GARIN1B: variants seen among roughly 807,000 people sequenced by gnomAD.
The protein encoded by GARIN1B is Golgi-associated RAB2 interactor protein 1B.
chr7:128,729,624 C>T, the GARIN1B span, among the ~76,000 whole-genome samples: 11 of 152,206 alleles, frequency 7.2e-5, no homozygotes, highest in Non-Finnish European at 1.6e-4. Context: ...TCTCCTTTTA[C>T]TGGTGCTGTC....
the GARIN1B span, chr7:128,719,161 C>A: frequency 9.3e-6 from 14 of 1,500,454 alleles, no homozygotes; most frequent in East Asian, 3.2e-4. Context: ...TATGTGAGTG[C>A]CCTATGAAGG....
At chr7:128,727,820 G>T in the GARIN1B span, among the ~76,000 whole-genome samples, 2 of 151,232 alleles carry the variant, frequency 1.3e-5, no homozygotes, top group South Asian at 4.2e-4. Context: ...ACACCTTCCT[G>T]CCAGGCTAAT....
chr7:128,715,478 A>C, the GARIN1B span: 2 of 1,614,178 alleles, frequency 1.2e-6, no homozygotes, highest in Non-Finnish European at 1.7e-6. Flanking sequence ...GACTTGGAGG[A>C]AATCAAAGAA....
the GARIN1B span, among the ~76,000 whole-genome samples, chr7:128,723,763 C>T: frequency 1.3e-5 from 2 of 151,758 alleles, no homozygotes; most frequent in South Asian, 2.1e-4. Flanking sequence ...CTGCCCGCCT[C>T]GGCCTCCCAA....
At chr7:128,724,853 T>C in the GARIN1B span, 2 of 1,289,282 alleles carry the variant, frequency 1.6e-6, no homozygotes, top group Middle Eastern at 4.3e-4. Flanking sequence ...CAGTACAGCT[T>C]GGAGGAGGCA....
the GARIN1B span, chr7:128,725,005 G>T: frequency 1.5e-6 from 1 of 652,396 alleles, no homozygotes; most frequent in South Asian, 2.4e-5. Context: ...CCATCCAGAT[G>T]TCAGGATCCA....
At chr7:128,712,434 T>G in the GARIN1B span, among the ~76,000 whole-genome samples, 1 of 152,194 alleles carries the variant, frequency 6.6e-6, no homozygotes, top group African/African-American at 2.4e-5. Context: ...TTTTTCATCT[T>G]CCCTAACTGA....
At chr7:128,715,765 A>C in the GARIN1B span, 1 of 1,318,992 alleles carries the variant, frequency 7.6e-7, no homozygotes, top group Non-Finnish European at 1.1e-6. Flanking sequence ...GAGAGAGTCC[A>C]TCCCTGAAAC....
the GARIN1B span, among the ~76,000 whole-genome samples, chr7:128,722,668 G>A: frequency 2.3e-3 from 354 of 152,150 alleles, 5 homozygotes; most frequent in East Asian, 0.047. Flanking sequence ...GCTAGGTGTG[G>A]TGGCAGACAC....
At chr7:128,711,549 A>T in the GARIN1B span, among the ~76,000 whole-genome samples, 1 of 152,302 alleles carries the variant, frequency 6.6e-6, no homozygotes, top group Admixed American at 6.5e-5. Context: ...AAAATTAGGT[A>T]AGATGAAAAT....
the GARIN1B span, among the ~76,000 whole-genome samples, chr7:128,718,434 G>GAAAAAAA: frequency 1.7e-5 from 2 of 117,934 alleles, no homozygotes; most frequent in African/African-American, 6.0e-5. Flanking sequence ...CTTTGCCTCA[G>GAAAAAAA]AAAAAAAAAA....
At chr7:128,716,893 C>A in the GARIN1B span, 2 of 1,613,946 alleles carry the variant, frequency 1.2e-6, no homozygotes, top group East Asian at 2.2e-5. Flanking sequence ...CGGTACCCTG[C>A]CTGCCCCTCC....
At chr7:128,724,470 CT>C in the GARIN1B span, among the ~76,000 whole-genome samples, 1 of 152,108 alleles carries the variant, frequency 6.6e-6, no homozygotes, top group Non-Finnish European at 1.5e-5. Context: ...AATATAGAGT[CT>C]GTTCTGGAAA....
At chr7:128,731,231 T>G in the GARIN1B span, 1 of 981,286 alleles carries the variant, frequency 1.0e-6, no homozygotes, top group Non-Finnish European at 1.6e-6. Context: ...CAAGGAAGAA[T>G]AGAGTCATCT....
the GARIN1B span, chr7:128,718,914 T>C: frequency 1.9e-6 from 3 of 1,614,160 alleles, no homozygotes; most frequent in East Asian, 6.7e-5. Flanking sequence ...ACTGAGAAGA[T>C]TTATTACCTA....
At chr7:128,731,266 G>T in the GARIN1B span, 1 of 804,402 alleles carries the variant, frequency 1.2e-6, no homozygotes, top group South Asian at 1.4e-5. Context: ...AGCCTTTCCA[G>T]CTGTACATAA....
chr7:128,728,940 A>C, the GARIN1B span, among the ~76,000 whole-genome samples: 16 of 152,190 alleles, frequency 1.1e-4, 1 homozygote, highest in East Asian at 1.9e-3. Flanking sequence ...ACATTCAAAC[A>C]CACATATGTA....
chr7:128,731,083 C>T, the GARIN1B span: 2 of 1,609,954 alleles, frequency 1.2e-6, no homozygotes, highest in Admixed American at 1.7e-5. Flanking sequence ...AAACACTTTT[C>T]TCTCCTACAC....
the GARIN1B span, among the ~76,000 whole-genome samples, chr7:128,711,901 C>T: frequency 2.4e-4 from 36 of 152,248 alleles, no homozygotes; most frequent in East Asian, 6.8e-3. Context: ...AGTAGCCAGG[C>T]ATGTTGGCAG....
Sources: gnomAD v4.1 joint callset for allele counts (sites outside exome capture counted in the v4.1 genomes callset) on GRCh38, gnomAD v4.1.1 for gene constraint, MANE v1.5 for transcripts, NCBI Gene and HGNC (gene_info 2026-07-23, HGNC 2026-07-21) for gene names.